Variants in TPR observed in about 807,000 individuals in gnomAD.
TPR encodes the protein translocated promoter region, nuclear basket protein.
Under a neutral mutation model 316.1 loss-of-function variants are expected in TPR, and 51 were observed. That is an observed-to-expected ratio of 0.16 (90% CI 0.13 to 0.20). TPR has a LOEUF of 0.20. TPR is among the 10% of genes least tolerant of loss of function. The probability of loss-of-function intolerance (pLI) is 1.00; values close to 1 mark genes in which losing one functional copy is unlikely to be tolerated. For synonymous variants in TPR, 981 were observed against 914.7 expected, an observed-to-expected ratio of 1.07 and a Z score of -1.31; for missense variants, 2,272 against 2,754.8, an observed-to-expected ratio of 0.82 and a Z score of 3.92.
At chr1:186,353,198 C>T (rs938921443) in intron 18 of TPR, among the ~76,000 whole-genome samples, 4 of 152,034 alleles carry the variant, frequency 2.6e-5, no homozygotes, top group Admixed American at 1.3e-4. Context: ...CAGTGAAACC[C>T]CATCTCTACT....
chr1:186,361,580 T>C (rs757982220), intron 9 of TPR, 42 bp downstream of exon 9: 14 of 1,550,832 alleles, frequency 9.0e-6, no homozygotes, highest in Admixed American at 5.6e-5. Context: ...AAAAAAAGAG[T>C]ACAATAACAA....
intron 1 of TPR, among the ~76,000 whole-genome samples, chr1:186,373,857 T>C (rs1293753766): frequency 2.6e-5 from 4 of 152,178 alleles, no homozygotes; most frequent in Non-Finnish European, 5.9e-5. Flanking sequence ...TCTTTTATAG[T>C]AGTCAAGATA....
At chr1:186,372,149 T>G (rs938496121) in intron 2 of TPR, among the ~76,000 whole-genome samples, 2 of 152,242 alleles carry the variant, frequency 1.3e-5, no homozygotes, top group East Asian at 3.8e-4. Context: ...AAATAGTTGA[T>G]GGTCATGGAC....
Position 186,312,621 on chromosome 1 carries a change from T to C in TPR, c.*1350A>G, listed in dbSNP as rs1193234818. ...CCAATACTATTTATCAAGTACTTCT[T>C]ACCAAGAACATTATATACCAGTCTA... On this transcript the variant is annotated 3_prime_UTR_variant, in exon 51 of 51. Transcript: ENST00000367478. 1.1e-6 allele frequency: 1 copy of C among 885,480 alleles called. No homozygotes were observed. Among genetic ancestry groups the C allele is most frequent in the African/African-American group, 1.7e-5 (1 of 59,664 alleles). 54.9% of individuals were successfully genotyped at this position (885,480 alleles called of 1,614,324 possible).
rs1352691325 is a variant in TPR at position 186,313,784 on chromosome 1, T to C, written c.*187A>G. ...TCTGGTACAACTGTCCTTAGACTGA[T>C]GAGCAAAGGAGGAGTCAACTAATGA... is the stretch of plus-strand genomic sequence containing the variant. On this transcript the variant is annotated 3_prime_UTR_variant, in exon 51 of 51. Coordinates refer to ENST00000367478, the MANE Select transcript of TPR (RefSeq NM_003292.3). 6.3e-7 allele frequency: 1 copy of C among 1,582,302 alleles called. No individual in the cohort carries two copies. Among genetic ancestry groups the C allele is most frequent in the Non-Finnish European group, 8.7e-7 (1 of 1,151,380 alleles).
intron 1 of TPR, 122 bp downstream of exon 1, chr1:186,374,756 C>T: frequency 1.9e-6 from 2 of 1,050,952 alleles, no homozygotes; most frequent in Admixed American, 2.4e-5. Context: ...CTCAGGATAT[C>T]CACAGAGCCC....
rs1233116135 is a variant in TPR at position 186,350,209 on chromosome 1, C to T, written c.2776+14G>A. 2 of 1,590,622 alleles carry T rather than the reference C, an allele frequency of 1.3e-6. No individual in the cohort carries two copies. Among genetic ancestry groups the T allele is most frequent in the Non-Finnish European group, 1.7e-6 (2 of 1,171,452 alleles). On this transcript the variant is annotated intron_variant, in intron 21 of 50. Transcript: ENST00000367478. ...GTTTATTTACAATTATATTGGTCTA[C>T]TTATTTTATTTACCTTTACCAGTTC...
At chr1:186,336,239 C>A (rs1658337448) in intron 33 of TPR, among the ~76,000 whole-genome samples, 1 of 152,104 alleles carries the variant, frequency 6.6e-6, no homozygotes. Context: ...TCCATGAAAG[C>A]AGAAGGATAG....
chr1:186,360,542 C>T (rs1352434933), intron 10 of TPR, among the ~76,000 whole-genome samples, 178 bp from the exon 11 acceptor site: 1 of 151,940 alleles, frequency 6.6e-6, no homozygotes, highest in Non-Finnish European at 1.5e-5. Flanking sequence ...CATGCAATAA[C>T]CTGGGAATTT....
At chr1:186,351,786 G>A (rs1372663487) in intron 19 of TPR, among the ~76,000 whole-genome samples, 190 bp downstream of exon 19, 1 of 151,864 alleles carries the variant, frequency 6.6e-6, no homozygotes, top group African/African-American at 2.4e-5. Flanking sequence ...ACCAATGTAT[G>A]GTTTCAATCA....
intron 42 of TPR, among the ~76,000 whole-genome samples, chr1:186,324,620 CACTTT>C (rs1333495613): frequency 6.6e-6 from 1 of 152,164 alleles, no homozygotes; most frequent in Non-Finnish European, 1.5e-5. Context: ...CACCTCAAGT[CACTTT>C]ACTTCTGCGA....
intron 21 of TPR, among the ~76,000 whole-genome samples, chr1:186,348,641 G>T (rs754927531): frequency 6.6e-6 from 1 of 151,906 alleles, no homozygotes; most frequent in Non-Finnish European, 1.5e-5. Flanking sequence ...CCAGCATCAC[G>T]GTCCTAGATA....
rs2101990171 is a variant in TPR at position 186,367,266 on chromosome 1, C to T, written c.427+620G>A. Among the ~76,000 whole-genome samples, 3 of 151,986 alleles carry T rather than the reference C, an allele frequency of 2.0e-5. 1 individual carries two copies. In the South Asian group the frequency reaches 6.2e-4, roughly 32 times the overall value. On this transcript the variant is annotated intron_variant, in intron 4 of 50. Coordinates refer to ENST00000367478, the MANE Select transcript of TPR (RefSeq NM_003292.3). ...ATTTTTAGTAGAGACGGGGTTTCAC[C>T]ATCTTGGCCAGGCTGCTCTTGGACT...
chr1:186,355,934 T>C (rs1659014996), intron 15 of TPR, among the ~76,000 whole-genome samples, 166 bp from the exon 16 acceptor site: 1 of 152,206 alleles, frequency 6.6e-6, no homozygotes, highest in South Asian at 2.1e-4. Flanking sequence ...CTAAACAATG[T>C]ATTAAGATTT....
chr1:186,368,387 C>T (rs1309549789), intron 3 of TPR, among the ~76,000 whole-genome samples: 3 of 152,028 alleles, frequency 2.0e-5, no homozygotes, highest in Non-Finnish European at 2.9e-5. Context: ...CAAGCTGGGC[C>T]GATCATTTGA....
chr1:186,360,998 GATA>G (rs1304459640), intron 9 of TPR, 93 bp from the exon 10 acceptor site: 1 of 1,285,620 alleles, frequency 7.8e-7, no homozygotes, highest in Non-Finnish European at 1.1e-6. Context: ...CCCCTCAGCA[GATA>G]ATATTAAATT....
intron 45 of TPR, among the ~76,000 whole-genome samples, chr1:186,321,872 C>A (rs1657785803): frequency 6.6e-6 from 1 of 152,200 alleles, no homozygotes; most frequent in African/African-American, 2.4e-5. Flanking sequence ...AGCAATTTAT[C>A]ATGTGTCAGG....
At chr1:186,350,802 T>G (rs2101974539) in intron 20 of TPR, among the ~76,000 whole-genome samples, 1 of 152,192 alleles carries the variant, frequency 6.6e-6, no homozygotes, top group East Asian at 1.9e-4. Flanking sequence ...TCCTTAAATA[T>G]TCATCAGAGT....
At chr1:186,356,523 C>A in intron 14 of TPR, 74 bp from the exon 15 acceptor site, 1 of 1,381,320 alleles carries the variant, frequency 7.2e-7, no homozygotes. Context: ...TGTAATTAAC[C>A]AAGCATCTTT....
Sources: allele counts gnomAD v4.1 joint callset (sites outside exome capture counted in the v4.1 genomes callset), GRCh38; gene constraint gnomAD v4.1.1; transcripts MANE v1.5; gene names NCBI Gene and HGNC (gene_info 2026-07-23, HGNC 2026-07-21).